Variants in ATE1 observed in about 807,000 individuals in gnomAD.
ATE1 encodes arginyl-tRNA--protein transferase 1.
In ATE1, 36 loss-of-function variants were observed where a neutral mutation model predicts 70.5. The observed-to-expected ratio is 0.51, with a 90% CI of 0.39 to 0.67. ATE1 has a LOEUF of 0.67. ATE1 is among the 30% of genes least tolerant of loss of function. The probability of loss-of-function intolerance (pLI) is 0.00; values close to 1 mark genes in which losing one functional copy is unlikely to be tolerated. For synonymous variants in ATE1, 232 were observed against 219.3 expected (o/e 1.06, Z -0.51); for missense variants, 593 against 629.5 (o/e 0.94, Z 0.62).
chr10:121,795,910 C>T (rs989252552), intron 10 of ATE1, among the ~76,000 whole-genome samples: 7 of 152,112 alleles, frequency 4.6e-5, no homozygotes, highest in Non-Finnish European at 8.8e-5. Context: ...GACATAGTTT[C>T]CCATGGTCAG....
intron 7 of ATE1, among the ~76,000 whole-genome samples, chr10:121,888,255 G>A (rs11200219): frequency 0.048 from 7,315 of 152,132 alleles, 225 homozygotes; most frequent in Admixed American, 0.081. Context: ...TTAGCCGGGC[G>A]TGGTGGCAGG....
intron 11 of ATE1, among the ~76,000 whole-genome samples, chr10:121,774,075 C>T (rs1945633261): frequency 1.3e-5 from 2 of 152,052 alleles, no homozygotes; most frequent in Admixed American, 1.3e-4. Context: ...AAACATATTC[C>T]AAAACCCTAA....
intron 8 of ATE1, among the ~76,000 whole-genome samples, chr10:121,848,612 CA>C (rs148470774): frequency 1.5e-3 from 177 of 117,376 alleles, no homozygotes; most frequent in Admixed American, 1.8e-3. Flanking sequence ...GAGTGAAACT[CA>C]AAAAAAAAAA....
chr10:121,801,850 G>A (rs955122879), intron 10 of ATE1, among the ~76,000 whole-genome samples: 1 of 151,344 alleles, frequency 6.6e-6, no homozygotes, highest in Admixed American at 6.6e-5. Context: ...AGAGAGAACT[G>A]ATCATGTAAG....
intron 7 of ATE1, among the ~76,000 whole-genome samples, chr10:121,889,925 G>A (rs1950525228): frequency 6.6e-6 from 1 of 152,136 alleles, no homozygotes; most frequent in African/African-American, 2.4e-5. Context: ...GGTTATATAA[G>A]AGAATATACT....
chr10:121,817,271 C>T lies in ATE1; in HGVS notation c.1257+19447G>A, dbSNP rs573567031. On this transcript the variant is annotated intron_variant, in intron 10 of 11. Transcript: ENST00000224652. ...AAACATGAGTTCAGGCCGGGCACAG[C>T]GGCTCACGCCTGTAATCCCAGTACT... Among the ~76,000 whole-genome samples the T allele has an allele frequency of 1.6e-3, 249 of 152,288 alleles. 1 individual carries two copies. The highest frequency in any genetic ancestry group is 3.4e-3 in the Admixed American group (52 of 15,298).
chr10:121,897,881 A>G (rs1950839318), intron 7 of ATE1, among the ~76,000 whole-genome samples: 1 of 151,770 alleles, frequency 6.6e-6, no homozygotes, highest in African/African-American at 2.4e-5. Flanking sequence ...TCTGTGTTCC[A>G]GGTACTGCTG....
At chr10:121,752,196 CA>C (rs369377308) in intron 11 of ATE1, among the ~76,000 whole-genome samples, 50 of 100,206 alleles carry the variant, frequency 5.0e-4, no homozygotes, top group Admixed American at 6.5e-4. Context: ...GACTCTGTCT[CA>C]AAAAAAAAAA....
chr10:121,905,856 A>AG (rs35438440), intron 5 of ATE1, among the ~76,000 whole-genome samples: 195 of 3,170 alleles, frequency 0.062, 2 homozygotes, highest in Middle Eastern at 0.25. Flanking sequence ...CAAGAGAGAG[A>AG]AAAAAAAGTA....
At chr10:121,746,711 C>T (rs1228884638) in intron 11 of ATE1, among the ~76,000 whole-genome samples, 1 of 151,764 alleles carries the variant, frequency 6.6e-6, no homozygotes, top group African/African-American at 2.4e-5. Context: ...AGGCTCTATG[C>T]TCTGAATACT....
intron 7 of ATE1, among the ~76,000 whole-genome samples, chr10:121,882,707 G>A (rs1333388541): frequency 6.6e-6 from 1 of 152,156 alleles, no homozygotes; most frequent in Non-Finnish European, 1.5e-5. Flanking sequence ...TGGCAGTACT[G>A]ATATCACCTT....
At chr10:121,773,080 T>C (rs1945587898) in intron 11 of ATE1, among the ~76,000 whole-genome samples, 1 of 152,230 alleles carries the variant, frequency 6.6e-6, no homozygotes, top group South Asian at 2.1e-4. Context: ...CACTCCCTTC[T>C]TTGTGCTACC....
At chr10:121,876,050 C>T (rs954137354) in intron 7 of ATE1, among the ~76,000 whole-genome samples, 1 of 152,198 alleles carries the variant, frequency 6.6e-6, no homozygotes, top group African/African-American at 2.4e-5. Context: ...CAGTGTGGCA[C>T]TCTCAAAAAT....
intron 11 of ATE1, among the ~76,000 whole-genome samples, chr10:121,750,078 C>T (rs1243032883): frequency 6.6e-6 from 1 of 152,018 alleles, no homozygotes; most frequent in Non-Finnish European, 1.5e-5. Context: ...ATACTTAAGC[C>T]ATTAACAATA....
At chr10:121,764,875 A>G (rs574129212) in intron 11 of ATE1, among the ~76,000 whole-genome samples, 86 of 152,310 alleles carry the variant, frequency 5.6e-4, no homozygotes, top group African/African-American at 1.9e-3. Flanking sequence ...TGCTGCTTCT[A>G]GTAAAACTGT....
At chr10:121,890,172 A>C (rs546526029) in intron 7 of ATE1, among the ~76,000 whole-genome samples, 1 of 152,236 alleles carries the variant, frequency 6.6e-6, no homozygotes, top group South Asian at 2.1e-4. Flanking sequence ...AAAAAAATTA[A>C]GAAGCTGCCC....
intron 5 of ATE1, among the ~76,000 whole-genome samples, chr10:121,905,211 T>TA (rs1289372092): frequency 6.6e-6 from 1 of 152,210 alleles, no homozygotes; most frequent in Non-Finnish European, 1.5e-5. Context: ...GTGCAGCTCA[T>TA]AAAAAATTAA....
At chr10:121,910,333 AAG>A (rs1376884342) in intron 5 of ATE1, among the ~76,000 whole-genome samples, 1 of 152,190 alleles carries the variant, frequency 6.6e-6, no homozygotes, top group Non-Finnish European at 1.5e-5. Context: ...ATAATTTTAA[AAG>A]AGTCATATAC....
intron 9 of ATE1, among the ~76,000 whole-genome samples, chr10:121,837,100 C>G (rs915149662): frequency 3.3e-5 from 5 of 152,220 alleles, no homozygotes; most frequent in Non-Finnish European, 7.3e-5. Flanking sequence ...TTAAAGAGAT[C>G]TACAGTGTCC....
Sources: gnomAD v4.1 joint callset for allele counts (sites outside exome capture counted in the v4.1 genomes callset) on GRCh38, gnomAD v4.1.1 for gene constraint, MANE v1.5 for transcripts, NCBI Gene and HGNC (gene_info 2026-07-23, HGNC 2026-07-21) for gene names.